The following RBM47 variants were observed in gnomAD, a reference collection of about 807,000 sequenced individuals.
RBM47 encodes the protein RNA binding motif protein 47.
RBM47 carries 21 observed loss-of-function variants against 47.1 expected under a neutral mutation model. The ratio of observed to expected loss-of-function variants is 0.45; its 90% CI spans 0.32 to 0.64. The LOEUF (loss-of-function observed/expected upper bound fraction) is 0.64. RBM47 is among the 30% of genes least tolerant of loss of function. RBM47 has a pLI of 0.05. For missense variants in RBM47, 708 were observed against 870.9 expected (o/e 0.81, Z 2.35); for synonymous variants, 375 against 361.7 (o/e 1.04, Z -0.42).
intron 3 of RBM47, among the ~76,000 whole-genome samples, chr4:40,451,871 A>T (rs1208496682): frequency 6.6e-6 from 1 of 152,162 alleles, no homozygotes; most frequent in Non-Finnish European, 1.5e-5. Flanking sequence ...GCAAGGGTAG[A>T]TGAAGAAGGA....
intron 1 of RBM47, among the ~76,000 whole-genome samples, chr4:40,619,505 T>C (rs1274633840): frequency 1.3e-5 from 2 of 152,174 alleles, no homozygotes; most frequent in Non-Finnish European, 1.5e-5. Flanking sequence ...ACCCACATGC[T>C]CTGAGTCTCA....
intron 3 of RBM47, among the ~76,000 whole-genome samples, chr4:40,449,306 T>C (rs1715041469): frequency 6.6e-6 from 1 of 152,166 alleles, no homozygotes; most frequent in Non-Finnish European, 1.5e-5. Flanking sequence ...TTAGGTAAAA[T>C]CCTGGGAGGT....
chr4:40,480,373 G>C (rs1560404913), intron 2 of RBM47, among the ~76,000 whole-genome samples: 1 of 152,198 alleles, frequency 6.6e-6, no homozygotes, highest in African/African-American at 2.4e-5. Context: ...TCAAACCCAG[G>C]CATTCTGGCT....
At chr4:40,473,689 G>A (rs1719232978) in intron 2 of RBM47, among the ~76,000 whole-genome samples, 1 of 152,106 alleles carries the variant, frequency 6.6e-6, no homozygotes, top group South Asian at 2.1e-4. Context: ...TTGTTTCCTA[G>A]CTTCTTAAAA....
At chr4:40,459,361 T>C (rs1716753214) in intron 3 of RBM47, among the ~76,000 whole-genome samples, 1 of 152,214 alleles carries the variant, frequency 6.6e-6, no homozygotes, top group Non-Finnish European at 1.5e-5. Flanking sequence ...ATAACTAACA[T>C]CCACCAAATT....
At chr4:40,567,455 G>T (rs1445929672) in intron 1 of RBM47, among the ~76,000 whole-genome samples, 1 of 151,986 alleles carries the variant, frequency 6.6e-6, no homozygotes, top group African/African-American at 2.4e-5. Context: ...TCTTTGAAAA[G>T]TTAAGTATCT....
At chr4:40,556,800 G>C (rs542966939) in intron 1 of RBM47, among the ~76,000 whole-genome samples, 1 of 152,190 alleles carries the variant, frequency 6.6e-6, no homozygotes, top group Admixed American at 6.5e-5. Context: ...TGAGGTGGGT[G>C]AATCACCTGA....
rs1714611480 is a variant in RBM47 at position 40,423,295 on chromosome 4, C to T, written c.*2609G>A. 1 of 152,104 alleles carries T rather than the reference C, an allele frequency of 6.6e-6. No homozygotes were observed. Among genetic ancestry groups the T allele is most frequent in the Admixed American group, 6.5e-5 (1 of 15,274 alleles). The allele number at this position is 152,104 out of a possible 1,614,324, so 9.4% of individuals were successfully genotyped here. Reference sequence around the variant, plus strand: ...GGTCTTGCGATTGCTTTAAAGAAAGCTTTATTTACTACATACATCCTAAGA... The same window carrying T: ...GGTCTTGCGATTGCTTTAAAGAAAGTTTTATTTACTACATACATCCTAAGA... On this transcript the variant is annotated 3_prime_UTR_variant, in exon 7 of 7. Coordinates refer to ENST00000295971, the MANE Select transcript of RBM47 (RefSeq NM_001098634.2).
chr4:40,513,097 T>A (rs369105955), intron 2 of RBM47, among the ~76,000 whole-genome samples: 4 of 152,228 alleles, frequency 2.6e-5, no homozygotes, highest in African/African-American at 9.6e-5. Flanking sequence ...ATTGTTAGAT[T>A]TCTTCCTATT....
chr4:40,554,048 C>T (rs557428104), intron 1 of RBM47, among the ~76,000 whole-genome samples: 1 of 152,212 alleles, frequency 6.6e-6, no homozygotes, highest in South Asian at 2.1e-4. Flanking sequence ...CGCGGGACCA[C>T]TTAAAGGATG....
intron 2 of RBM47, among the ~76,000 whole-genome samples, chr4:40,517,435 C>T (rs1380220627): frequency 1.3e-5 from 2 of 152,134 alleles, no homozygotes; most frequent in Admixed American, 6.6e-5. Context: ...CTGTGCCCGA[C>T]CCTCAACTCC....
In RBM47 at chr4:40,546,478, C is replaced by T. The variant is rs182366991; in HGVS notation, c.-239-1972G>A. 3.9e-3 allele frequency among the ~76,000 whole-genome samples: 591 copies of T among 152,300 alleles called. 7 individuals are homozygous for T. The highest frequency in any genetic ancestry group is 3.4e-3 in the Non-Finnish European group (228 of 68,018). ...GTTCAGTGTAGAAGATTTTATTATA[C>T]TACTGTTCCACCAAGAATAAATAAA... On this transcript the variant is annotated intron_variant, in intron 1 of 6. Coordinates refer to ENST00000295971, the MANE Select transcript of RBM47 (RefSeq NM_001098634.2).
At position 40,465,684 on chromosome 4, in the gene RBM47, A is replaced by G. The variant is rs551396670; in HGVS notation, c.-32+893T>C. Among the ~76,000 whole-genome samples the G allele has an allele frequency of 2.5e-3, 378 of 152,172 alleles. 3 individuals are homozygous for G. The highest frequency in any genetic ancestry group is 4.3e-3 in the Non-Finnish European group (294 of 67,998). On this transcript the variant is annotated intron_variant, in intron 3 of 6. Transcript: ENST00000295971. ...ACAGAGCGACACTCCATCTCCAAAA[A>G]AAAAAAAAGAGAGATCTTGGCTCAC... is the stretch of plus-strand genomic sequence containing the variant.
At chr4:40,430,412 A>G (rs1031139589) in intron 6 of RBM47, among the ~76,000 whole-genome samples, 1 of 152,224 alleles carries the variant, frequency 6.6e-6, no homozygotes, top group Non-Finnish European at 1.5e-5. Context: ...AGAAATTATT[A>G]TCAGAATTCC....
intron 1 of RBM47, among the ~76,000 whole-genome samples, chr4:40,609,847 C>A (rs1736098496): frequency 6.6e-6 from 1 of 151,752 alleles, no homozygotes; most frequent in Admixed American, 6.6e-5. Context: ...GTAATCCCAG[C>A]ATTTTGGGAG....
At chr4:40,462,410 TCTCTCCTTCC>T (rs572462860) in intron 3 of RBM47, among the ~76,000 whole-genome samples, 65 of 152,198 alleles carry the variant, frequency 4.3e-4, no homozygotes, top group African/African-American at 1.5e-3. Flanking sequence ...CAGAGTGTCC[TCTCTCCTTCC>T]CTCTGCTGCA....
chr4:40,504,109 T>C (rs1381326449), intron 2 of RBM47, among the ~76,000 whole-genome samples: 1 of 152,170 alleles, frequency 6.6e-6, no homozygotes, highest in Non-Finnish European at 1.5e-5. Context: ...GTTTTCTATT[T>C]TGCATTCTTT....
At chr4:40,578,211 C>T (rs965070748) in intron 1 of RBM47, among the ~76,000 whole-genome samples, 1 of 152,108 alleles carries the variant, frequency 6.6e-6, no homozygotes, top group African/African-American at 2.4e-5. Flanking sequence ...AATGAAACTC[C>T]CTGCTTTAAT....
At chr4:40,605,170 C>G (rs536283830) in intron 1 of RBM47, among the ~76,000 whole-genome samples, 1 of 150,176 alleles carries the variant, frequency 6.7e-6, no homozygotes, top group Non-Finnish European at 1.5e-5. Context: ...TTACAGGCAC[C>G]CGCCACCGCG....
Sources: allele counts gnomAD v4.1 joint callset (sites outside exome capture counted in the v4.1 genomes callset), GRCh38; gene constraint gnomAD v4.1.1; transcripts MANE v1.5; gene names NCBI Gene and HGNC (gene_info 2026-07-23, HGNC 2026-07-21).